MGAT5: variants seen among roughly 807,000 people sequenced by gnomAD.
MGAT5 encodes the protein alpha-1,6-mannosylglycoprotein 6-beta-N-acetylglucosaminyltransferase.
In MGAT5, 30 loss-of-function variants were observed where a neutral mutation model predicts 94.3. The observed-to-expected ratio is 0.32, with a 90% CI of 0.24 to 0.43. The LOEUF (loss-of-function observed/expected upper bound fraction) is 0.43, where lower values mean the gene tolerates loss of function less well. Ranked by LOEUF, MGAT5 falls within the 20% of genes least tolerant of loss-of-function variation. The pLI is 1.00. For missense variants in MGAT5, 691 were observed against 905.5 expected, an observed-to-expected ratio of 0.76 and a Z score of 3.04; for synonymous variants, 310 against 322.9, an observed-to-expected ratio of 0.96 and a Z score of 0.43.
chr2:134,270,650 T>G, intron 2 of MGAT5, 100 bp downstream of exon 2: 1 of 1,169,310 alleles, frequency 8.6e-7, no homozygotes, highest in Non-Finnish European at 1.2e-6. Flanking sequence ...ACCTGCATAA[T>G]ATAAATTCTA....
At chr2:134,316,623 T>A (rs1687014120) in intron 2 of MGAT5, among the ~76,000 whole-genome samples, 1 of 152,180 alleles carries the variant, frequency 6.6e-6, no homozygotes, top group Non-Finnish European at 1.5e-5. Flanking sequence ...AGTGATATGA[T>A]GTTGTGATAC....
chr2:134,124,116 T>G (rs962281745), intron 1 of MGAT5, among the ~76,000 whole-genome samples: 1 of 152,214 alleles, frequency 6.6e-6, no homozygotes, highest in Non-Finnish European at 1.5e-5. Context: ...GGGCTGGTGC[T>G]GGGTATAAAG....
chr2:134,163,887 G>C (rs1469631605), intron 1 of MGAT5, among the ~76,000 whole-genome samples: 2 of 152,134 alleles, frequency 1.3e-5, no homozygotes, highest in Non-Finnish European at 2.9e-5. Flanking sequence ...CTTCTTTATA[G>C]ACCAATATTG....
intron 13 of MGAT5, among the ~76,000 whole-genome samples, chr2:134,424,511 G>T (rs1684470461): frequency 6.6e-6 from 1 of 152,156 alleles, no homozygotes; most frequent in Admixed American, 6.5e-5. Context: ...AATGGAATGT[G>T]GTTCCTCTAG....
intron 1 of MGAT5, among the ~76,000 whole-genome samples, chr2:134,149,913 G>T (rs181525658): frequency 9.2e-5 from 14 of 152,352 alleles, no homozygotes; most frequent in African/African-American, 3.4e-4. Flanking sequence ...AGTCAAGGAA[G>T]AAGGTTACCC....
intron 1 of MGAT5, among the ~76,000 whole-genome samples, chr2:134,246,947 G>T (rs1682305257): frequency 6.6e-6 from 1 of 152,210 alleles, no homozygotes; most frequent in Non-Finnish European, 1.5e-5. Context: ...TTGATTGTTA[G>T]ACCAGGGAGA....
At chr2:134,279,499 G>A (rs966103756) in intron 2 of MGAT5, among the ~76,000 whole-genome samples, 1 of 152,094 alleles carries the variant, frequency 6.6e-6, no homozygotes, top group African/African-American at 2.4e-5. Context: ...AATTCTGTTG[G>A]ACTAATTACT....
chr2:134,174,752 A>G (rs1323528244), intron 1 of MGAT5, among the ~76,000 whole-genome samples: 1 of 152,230 alleles, frequency 6.6e-6, no homozygotes, highest in Non-Finnish European at 1.5e-5. Flanking sequence ...CATATCTTAT[A>G]AAAGGCCAAT....
At chr2:134,199,904 CAAG>C (rs1679692840) in intron 1 of MGAT5, among the ~76,000 whole-genome samples, 1 of 151,920 alleles carries the variant, frequency 6.6e-6, no homozygotes, top group Non-Finnish European at 1.5e-5. Flanking sequence ...GTGCAAATGG[CAAG>C]AATGAACATG....
chr2:134,383,308 G>A (rs1233602450), intron 10 of MGAT5, among the ~76,000 whole-genome samples: 5 of 152,154 alleles, frequency 3.3e-5, no homozygotes, highest in African/African-American at 9.7e-5. Flanking sequence ...CTGTGGTTAG[G>A]TCAGACTGCT....
chr2:134,370,019 G>C (rs1054355041), intron 10 of MGAT5, among the ~76,000 whole-genome samples: 1 of 152,164 alleles, frequency 6.6e-6, no homozygotes, highest in Non-Finnish European at 1.5e-5. Flanking sequence ...GGTGGTTAAA[G>C]TCTCAGACTA....
At chr2:134,122,687 A>T (rs1303866187) in intron 1 of MGAT5, among the ~76,000 whole-genome samples, 1 of 152,054 alleles carries the variant, frequency 6.6e-6, no homozygotes, top group Non-Finnish European at 1.5e-5. Context: ...TTTTTCTTTC[A>T]TCTCCTCCTT....
intron 4 of MGAT5, among the ~76,000 whole-genome samples, chr2:134,321,972 G>A (rs1004228234): frequency 6.6e-5 from 10 of 152,062 alleles, no homozygotes; most frequent in Non-Finnish European, 1.5e-4. Context: ...GAGAGTTGAA[G>A]GAGAATGTCA....
chr2:134,225,602 G>A (rs535729581), intron 1 of MGAT5, among the ~76,000 whole-genome samples: 2 of 152,286 alleles, frequency 1.3e-5, no homozygotes, highest in East Asian at 1.9e-4. Flanking sequence ...TCACGTTCAA[G>A]TGTATAGATC....
intron 1 of MGAT5, among the ~76,000 whole-genome samples, chr2:134,255,064 A>G (rs374848009): frequency 5.5e-4 from 84 of 152,332 alleles, no homozygotes; most frequent in African/African-American, 1.3e-3. Flanking sequence ...TATGGAAGCC[A>G]GTAAACTTAG....
intron 11 of MGAT5, among the ~76,000 whole-genome samples, chr2:134,408,919 A>T (rs1391605519): frequency 5.3e-5 from 8 of 152,338 alleles, no homozygotes; most frequent in Non-Finnish European, 1.2e-4. Flanking sequence ...TAGCAATAGC[A>T]TGTGACTCAT....
intron 2 of MGAT5, among the ~76,000 whole-genome samples, chr2:134,290,270 T>A (rs1685266412): frequency 6.6e-6 from 1 of 152,262 alleles, no homozygotes; most frequent in Non-Finnish European, 1.5e-5. Flanking sequence ...TTAGTTTTTC[T>A]ACTTTTACCA....
At chr2:134,143,774 G>T (rs1353631430) in intron 1 of MGAT5, among the ~76,000 whole-genome samples, 3 of 152,218 alleles carry the variant, frequency 2.0e-5, no homozygotes, top group African/African-American at 7.2e-5. Flanking sequence ...TGTTTATGTG[G>T]TTACTGTGTA....
In MGAT5 at chr2:134,338,366, A is replaced by G. The variant is rs1275892224; in HGVS notation, c.753A>G (p.Gln251=). The G allele has an allele frequency of 5.0e-6, 8 of 1,612,730 alleles. No individual in the cohort carries two copies. Among genetic ancestry groups the G allele is most frequent in the Middle Eastern group, 1.6e-4 (1 of 6,078 alleles). The change falls in exon 6 of 16, where the codon CAA becomes CAG. Residue 251 remains glutamine (Q), a synonymous_variant. Coordinates refer to ENST00000281923, the MANE Select transcript of MGAT5 (RefSeq NM_002410.5). ...RIRRMADAWI[Q]AIKSLAEKQN... is the part of the protein sequence containing the mutation. ...GGCGAATGGCTGACGCATGGATCCA[A>G]GCAATCAAGTCCCTGGCAGAAAAGC...
Sources: allele counts gnomAD v4.1 joint callset (sites outside exome capture counted in the v4.1 genomes callset), GRCh38; gene constraint gnomAD v4.1.1; transcripts MANE v1.5; gene names NCBI Gene and HGNC (gene_info 2026-07-23, HGNC 2026-07-21).